Variants in DCLK2 observed in about 807,000 individuals in gnomAD.
The protein encoded by DCLK2 is doublecortin like kinase 2.
In DCLK2, 31 loss-of-function variants were observed where a neutral mutation model predicts 78.4. The ratio of observed to expected loss-of-function variants is 0.40; its 90% confidence interval spans 0.30 to 0.53. The LOEUF (loss-of-function observed/expected upper bound fraction) is 0.53, where lower values mean the gene tolerates loss of function less well. DCLK2 is among the 20% of genes least tolerant of loss of function. The pLI, the probability that DCLK2 is intolerant of heterozygous loss-of-function variation, is 0.61. For missense variants in DCLK2, 872 were observed against 973.7 expected (o/e 0.90, Z 1.39); for synonymous variants, 407 against 374.9 (o/e 1.09, Z -0.99).
At chr4:150,086,420 G>A (rs1163483644) in intron 1 of DCLK2, among the ~76,000 whole-genome samples, 1 of 152,038 alleles carries the variant, frequency 6.6e-6, no homozygotes, top group Non-Finnish European at 1.5e-5. Flanking sequence ...TATGTCCCAA[G>A]AAGTTATCAA....
chr4:150,091,729 A>T (rs4835619), intron 1 of DCLK2, among the ~76,000 whole-genome samples: 1 of 151,712 alleles, frequency 6.6e-6, no homozygotes, highest in African/African-American at 2.4e-5. Context: ...TTCCACCTAC[A>T]TAAGATTCCA....
intron 2 of DCLK2, among the ~76,000 whole-genome samples, chr4:150,157,107 A>G (rs1272571772): frequency 1.3e-5 from 2 of 151,012 alleles, no homozygotes; most frequent in Non-Finnish European, 2.9e-5. Context: ...TATCAGTCCA[A>G]ACTCAAACAC....
At chr4:150,101,885 T>C (rs1041079063) in intron 1 of DCLK2, among the ~76,000 whole-genome samples, 13 of 152,202 alleles carry the variant, frequency 8.5e-5, no homozygotes, top group African/African-American at 2.7e-4. Flanking sequence ...GTAGCTGAGG[T>C]ATATTTCTTT....
chr4:150,091,470 C>A (rs1256583988), intron 1 of DCLK2, among the ~76,000 whole-genome samples: 1 of 151,952 alleles, frequency 6.6e-6, no homozygotes, highest in African/African-American at 2.4e-5. Flanking sequence ...AGAGTCCTTG[C>A]ACTTTAGATT....
chr4:150,256,244 C>T lies in DCLK2; in HGVS notation c.2298C>T (p.Asp766=), dbSNP rs1464576964. Residue 766 remains aspartate, a synonymous_variant, in exon 16 of 16, where the codon GAC becomes GAT. Coordinates refer to ENST00000296550, the MANE Select transcript of DCLK2 (RefSeq NM_001040260.4). Reference sequence around the variant, plus strand: ...CAGGAACCTGGCGCCGCCACCGAGACTGAGCCTCCTGCAGACGGGCGAAGC... The same window carrying T: ...CAGGAACCTGGCGCCGCCACCGAGATTGAGCCTCCTGCAGACGGGCGAAGC... ...ERAGTWRRHR[D] 4 of 1,519,344 alleles carry T rather than the reference C, an allele frequency of 2.6e-6. No individual in the cohort carries two copies. Among genetic ancestry groups the T allele is most frequent in the Non-Finnish European group, 3.5e-6 (4 of 1,133,568 alleles). The allele number at this position is 1,519,344 out of a possible 1,614,324, so 94.1% of individuals were successfully genotyped here. A position where few individuals can be genotyped will look rare whatever the true frequency, so the allele number is the denominator to read the frequency against.
chr4:150,167,523 A>G (rs1048609182), intron 2 of DCLK2, among the ~76,000 whole-genome samples: 1 of 152,178 alleles, frequency 6.6e-6, no homozygotes, highest in Non-Finnish European at 1.5e-5. Flanking sequence ...TACCGGCAAA[A>G]AAGGGAGAGG....
At position 150,239,822 on chromosome 4, in the gene DCLK2, C is replaced by T. The variant is rs993841689; in HGVS notation, c.1647C>T (p.Tyr549=). The change falls in exon 11 of 16, where the codon TAC becomes TAT. Residue 549 remains tyrosine, a synonymous_variant. Transcript: ENST00000296550. ...GLATVVEGPL[Y]TVCGTPTYVA... Reference sequence around the variant, plus strand: ...CGACTGTGGTAGAAGGCCCTTTATACACAGTCTGTGGCACACCCACTTATG... The same window carrying T: ...CGACTGTGGTAGAAGGCCCTTTATATACAGTCTGTGGCACACCCACTTATG... 4 of 1,614,088 alleles carry T rather than the reference C, an allele frequency of 2.5e-6. No homozygotes were observed. Among genetic ancestry groups the T allele is most frequent in the Admixed American group, 3.3e-5 (2 of 60,004 alleles).
At chr4:150,245,109 A>G (rs1743205105) in intron 12 of DCLK2, among the ~76,000 whole-genome samples, 4 of 152,246 alleles carry the variant, frequency 2.6e-5, no homozygotes. Context: ...ACTAAATCTA[A>G]TAATCTTAGA....
intron 2 of DCLK2, among the ~76,000 whole-genome samples, chr4:150,118,448 A>T (rs906289629): frequency 2.0e-5 from 3 of 152,206 alleles, no homozygotes; most frequent in African/African-American, 7.2e-5. Context: ...TTTAATTTTT[A>T]AAATTAGGGA....
chr4:150,246,291 C>A (rs1299605394), intron 12 of DCLK2, among the ~76,000 whole-genome samples: 1 of 152,186 alleles, frequency 6.6e-6, no homozygotes, highest in African/African-American at 2.4e-5. Flanking sequence ...AGGTAATCCA[C>A]CCACCTTGGC....
chr4:150,244,157 A>G (rs1449893411), intron 12 of DCLK2, among the ~76,000 whole-genome samples: 2 of 151,196 alleles, frequency 1.3e-5, no homozygotes, highest in African/African-American at 2.4e-5. Flanking sequence ...CTGGTCTTGA[A>G]CTCCTAGCCT....
intron 15 of DCLK2, 97 bp from the exon 16 acceptor site, chr4:150,255,923 T>C (rs2093317262): frequency 4.7e-6 from 7 of 1,489,666 alleles, no homozygotes; most frequent in Admixed American, 2.3e-5. Context: ...CTTCTGTTTC[T>C]GAGGCCCGTG....
Position 150,220,686 on chromosome 4 carries a change from T to C in DCLK2, c.1057-17T>C, listed in dbSNP as rs749814679. ...TGTAAATTATCCTGATAAATAATGG[T>C]CATTCTCCTCTTTCAGCAGATTTCT... On this transcript the variant is annotated splice_polypyrimidine_tract_variant and intron_variant, in intron 5 of 15. Transcript: ENST00000296550. 1.2e-6 allele frequency: 2 copies of C among 1,604,608 alleles called. No homozygotes were observed. Among genetic ancestry groups the C allele is most frequent in the Admixed American group, 3.3e-5 (2 of 59,822 alleles).
chr4:150,105,023 A>G (rs764285064), intron 2 of DCLK2, among the ~76,000 whole-genome samples: 1 of 152,160 alleles, frequency 6.6e-6, no homozygotes, highest in African/African-American at 2.4e-5. Context: ...ATCTGGAAAA[A>G]TAGGAAAATT....
At chr4:150,165,752 T>C (rs1471417092) in intron 2 of DCLK2, among the ~76,000 whole-genome samples, 2 of 152,230 alleles carry the variant, frequency 1.3e-5, no homozygotes, top group African/African-American at 2.4e-5. Flanking sequence ...CCTGATGCTG[T>C]GGTTTGAATG....
At chr4:150,213,071 T>TC (rs1192584203) in intron 5 of DCLK2, among the ~76,000 whole-genome samples, 1 of 152,190 alleles carries the variant, frequency 6.6e-6, no homozygotes, top group Admixed American at 6.5e-5. Flanking sequence ...TTGGTCACAA[T>TC]CCAGTAAGCC....
At chr4:150,230,347 A>C (rs1741946830) in intron 8 of DCLK2, among the ~76,000 whole-genome samples, 1 of 152,094 alleles carries the variant, frequency 6.6e-6, no homozygotes, top group Non-Finnish European at 1.5e-5. Context: ...TCAATTTGAG[A>C]GAGATTCTTG....
chr4:150,158,410 A>G (rs900249344), intron 2 of DCLK2, among the ~76,000 whole-genome samples: 2 of 152,194 alleles, frequency 1.3e-5, no homozygotes, highest in Non-Finnish European at 2.9e-5. Flanking sequence ...AATTCAGTCT[A>G]TAACACCTCC....
intron 10 of DCLK2, among the ~76,000 whole-genome samples, chr4:150,233,169 A>T (rs1458803437): frequency 1.3e-5 from 2 of 152,202 alleles, no homozygotes; most frequent in African/African-American, 4.8e-5. Context: ...GCGAAGGGGA[A>T]GCAAGCACCT....
Sources: gnomAD v4.1 joint callset for allele counts (sites outside exome capture counted in the v4.1 genomes callset) on GRCh38, gnomAD v4.1.1 for gene constraint, MANE v1.5 for transcripts, NCBI Gene and HGNC (gene_info 2026-07-23, HGNC 2026-07-21) for gene names.